Variants in DLG2 observed in about 807,000 individuals in gnomAD.
DLG2 encodes discs large MAGUK scaffold protein 2.
In DLG2, 45 loss-of-function variants were observed where a neutral mutation model predicts 132.5. The ratio of observed to expected loss-of-function variants is 0.34; its 90% confidence interval spans 0.27 to 0.44. The LOEUF (loss-of-function observed/expected upper bound fraction) is 0.44. Among genes scored for constraint, DLG2 ranks in the 20% least tolerant of loss-of-function variants. The pLI is 1.00. For synonymous variants in DLG2, 424 were observed against 419.6 expected, an observed-to-expected ratio of 1.01 and a Z score of -0.13; for missense variants, 1,045 against 1,196.9, an observed-to-expected ratio of 0.87 and a Z score of 1.87.
chr11:84,489,500 G>C (rs904618964), intron 7 of DLG2, among the ~76,000 whole-genome samples: 6 of 152,000 alleles, frequency 3.9e-5, no homozygotes, highest in Non-Finnish European at 8.8e-5. Context: ...GCTCTCCATA[G>C]TCTACAAAGT....
At chr11:83,557,917 G>A (rs1237126521) in intron 19 of DLG2, among the ~76,000 whole-genome samples, 1 of 152,030 alleles carries the variant, frequency 6.6e-6, no homozygotes, top group Non-Finnish European at 1.5e-5. Flanking sequence ...GATCAATTCT[G>A]GCAGGAAGGA....
chr11:84,085,946 T>C (rs1397692002), intron 10 of DLG2, among the ~76,000 whole-genome samples: 1 of 152,238 alleles, frequency 6.6e-6, no homozygotes, highest in Non-Finnish European at 1.5e-5. Context: ...ATCAATAATT[T>C]GGTTTTGACT....
chr11:84,285,952 C>T (rs919536694), intron 7 of DLG2, among the ~76,000 whole-genome samples: 1 of 152,064 alleles, frequency 6.6e-6, no homozygotes, highest in African/African-American at 2.4e-5. Context: ...ATATGCACAG[C>T]CAGAATTAGC....
intron 6 of DLG2, among the ~76,000 whole-genome samples, chr11:84,857,170 G>T (rs1350424042): frequency 6.6e-6 from 1 of 151,694 alleles, no homozygotes; most frequent in African/African-American, 2.4e-5. Flanking sequence ...AAATATAGAG[G>T]GGAGAAAGCA....
intron 19 of DLG2, among the ~76,000 whole-genome samples, chr11:83,556,159 A>C (rs959384344): frequency 6.6e-6 from 1 of 152,174 alleles, no homozygotes; most frequent in African/African-American, 2.4e-5. Context: ...AATAAGCAGA[A>C]GGTGGTTCCT....
intron 17 of DLG2, among the ~76,000 whole-genome samples, chr11:83,815,819 T>A (rs932059674): frequency 1.3e-5 from 2 of 152,188 alleles, no homozygotes; most frequent in African/African-American, 4.8e-5. Flanking sequence ...CTGCTCAGAT[T>A]AAAGCAGTAA....
rs189920521 is a variant in DLG2 at position 84,985,692 on chromosome 11, G to A, written c.357+125969C>T. ...AAAAGATAAATGAAACAAAAAGCAG[G>A]TTCTTTGAAAAGATAAATAGGCCCA... On this transcript the variant is annotated intron_variant, in intron 6 of 27. Coordinates refer to ENST00000376104, the MANE Select transcript of DLG2 (RefSeq NM_001142699.3). Among the ~76,000 whole-genome samples the A allele has an allele frequency of 4.4e-3, 670 of 152,084 alleles. 2 individuals carry two copies. Among genetic ancestry groups the A allele is most frequent in the Non-Finnish European group, 7.2e-3 (491 of 67,960 alleles).
intron 3 of DLG2, among the ~76,000 whole-genome samples, chr11:85,356,285 T>C (rs2083683739): frequency 1.3e-5 from 2 of 152,314 alleles, no homozygotes; most frequent in African/African-American, 4.8e-5. Flanking sequence ...TAATTTTTCC[T>C]CTTCAGAGGC....
At chr11:84,079,241 T>C (rs1259900159) in intron 10 of DLG2, among the ~76,000 whole-genome samples, 6 of 152,032 alleles carry the variant, frequency 3.9e-5, no homozygotes, top group African/African-American at 1.4e-4. Context: ...CAATCTTTCA[T>C]TAGCTGAATT....
intron 11 of DLG2, among the ~76,000 whole-genome samples, chr11:83,991,424 T>G (rs929240746): frequency 6.6e-6 from 1 of 152,214 alleles, no homozygotes; most frequent in African/African-American, 2.4e-5. Flanking sequence ...AAATTCACAT[T>G]TCTATACCTA....
intron 6 of DLG2, among the ~76,000 whole-genome samples, chr11:85,002,235 C>A (rs1476843431): frequency 6.6e-6 from 1 of 152,062 alleles, no homozygotes; most frequent in Non-Finnish European, 1.5e-5. Flanking sequence ...CTAAAAATAT[C>A]ACATCATAAA....
intron 15 of DLG2, among the ~76,000 whole-genome samples, chr11:83,877,861 T>C (rs2065161986): frequency 6.6e-6 from 1 of 152,226 alleles, no homozygotes. Flanking sequence ...TGGAGCTACC[T>C]GATGGTGACT....
intron 3 of DLG2, among the ~76,000 whole-genome samples, chr11:85,296,015 G>C (rs923336453): frequency 4.6e-5 from 7 of 152,250 alleles, no homozygotes; most frequent in African/African-American, 1.7e-4. Flanking sequence ...GACTCTATTG[G>C]CCTCTCAGAT....
chr11:85,427,172 G>A (rs1007005595), intron 3 of DLG2, among the ~76,000 whole-genome samples: 5 of 152,166 alleles, frequency 3.3e-5, no homozygotes, highest in Non-Finnish European at 7.3e-5. Flanking sequence ...AAAGTGAAAG[G>A]GAGAATGGAA....
chr11:85,095,282 C>T (rs1346905707), intron 6 of DLG2, among the ~76,000 whole-genome samples: 2 of 152,078 alleles, frequency 1.3e-5, no homozygotes, highest in Non-Finnish European at 2.9e-5. Context: ...AAAAATGTTG[C>T]CAATAGACTT....
chr11:83,746,157 AAG>A (rs2092896414), intron 18 of DLG2, among the ~76,000 whole-genome samples: 1 of 152,222 alleles, frequency 6.6e-6, no homozygotes, highest in East Asian at 1.9e-4. Context: ...ACCATTGTGG[AAG>A]ACAGTGTGGC....
At chr11:85,124,227 C>G (rs1346186177) in intron 5 of DLG2, among the ~76,000 whole-genome samples, 1 of 152,222 alleles carries the variant, frequency 6.6e-6, no homozygotes, top group Admixed American at 6.5e-5. Flanking sequence ...AAAGGTGATC[C>G]TCTTAGATCT....
intron 7 of DLG2, among the ~76,000 whole-genome samples, chr11:84,252,194 T>C (rs2097392828): frequency 7.5e-6 from 1 of 133,534 alleles, no homozygotes; most frequent in Non-Finnish European, 1.6e-5. Context: ...CTGTCGCCCA[T>C]GCTGGAGTGT....
At chr11:85,442,725 TA>T (rs1156392906) in intron 3 of DLG2, among the ~76,000 whole-genome samples, 3 of 150,798 alleles carry the variant, frequency 2.0e-5, no homozygotes, top group African/African-American at 7.3e-5. Context: ...AAAAATAAAT[TA>T]AAAAAAATAG....
Sources: allele counts gnomAD v4.1 joint callset (sites outside exome capture counted in the v4.1 genomes callset), GRCh38; gene constraint gnomAD v4.1.1; transcripts MANE v1.5; gene names NCBI Gene and HGNC (gene_info 2026-07-23, HGNC 2026-07-21).